PTPRN2: variants seen among roughly 807,000 people sequenced by gnomAD.
PTPRN2 encodes receptor-type tyrosine-protein phosphatase N2.
PTPRN2 carries 74 observed loss-of-function variants against 118.8 expected under a neutral mutation model. The observed-to-expected ratio is 0.62, with a 90% CI of 0.52 to 0.76. The LOEUF (loss-of-function observed/expected upper bound fraction) is 0.76. PTPRN2 is among the 30% of genes least tolerant of loss of function. The pLI is 0.00. For synonymous variants in PTPRN2, 641 were observed against 608.0 expected (o/e 1.05, Z -0.80); for missense variants, 1,481 against 1,394.4 (o/e 1.06, Z -0.99).
intron 3 of PTPRN2, among the ~76,000 whole-genome samples, chr7:158,304,567 T>C (rs925349400): frequency 3.3e-5 from 5 of 152,158 alleles, no homozygotes; most frequent in Admixed American, 2.0e-4. Context: ...TAGAGAGGCA[T>C]AAGACACCCA....
chr7:157,784,888 A>G lies in PTPRN2; in HGVS notation c.1789-101951T>C, dbSNP rs1298669159. 6.6e-6 allele frequency among the ~76,000 whole-genome samples: 1 copy of G among 152,086 alleles called. No homozygotes were observed. The highest frequency in any genetic ancestry group is 2.4e-5 in the African/African-American group (1 of 41,422). On this transcript the variant is annotated intron_variant, in intron 12 of 22. Coordinates refer to ENST00000389418, the MANE Select transcript of PTPRN2 (RefSeq NM_002847.5). This position sits in a 1 kb window ranked among gnomAD's most constrained non-coding sequence, Gnocchi z 4.6. ...GTCAAGATATTTTTGGACTTGTTCA[A>G]ATGGGTGGGCAGCTGTTTCTCTGAG...
At chr7:158,178,285 A>G (rs1824389348) in intron 5 of PTPRN2, among the ~76,000 whole-genome samples, 1 of 152,096 alleles carries the variant, frequency 6.6e-6, no homozygotes, top group Admixed American at 6.6e-5. Flanking sequence ...TCAGATATTA[A>G]TGCACCCATC....
At chr7:158,080,309 T>G (rs1812697461) in intron 11 of PTPRN2, among the ~76,000 whole-genome samples, 2 of 59,124 alleles carry the variant, frequency 3.4e-5, no homozygotes, top group East Asian at 6.2e-4. Flanking sequence ...AGACACAAAT[T>G]TAAGCAAAAA....
At chr7:158,369,226 G>A (rs1809764054) in intron 2 of PTPRN2, among the ~76,000 whole-genome samples, 1 of 148,372 alleles carries the variant, frequency 6.7e-6, no homozygotes, top group South Asian at 2.1e-4. Flanking sequence ...GATCATGTGA[G>A]TTAATACTTA....
chr7:157,612,531 C>A (rs139019958), intron 15 of PTPRN2, among the ~76,000 whole-genome samples: 11 of 152,360 alleles, frequency 7.2e-5, no homozygotes, highest in African/African-American at 2.6e-4. Flanking sequence ...TGGCTTGTGG[C>A]TGTGCTGCCT....
chr7:157,964,243 G>A lies in PTPRN2; in HGVS notation c.1724-65506C>T, dbSNP rs764378378. 2.6e-5 allele frequency among the ~76,000 whole-genome samples: 4 copies of A among 152,032 alleles called. No individual in the cohort carries two copies. The highest frequency in any genetic ancestry group is 2.1e-4 in the South Asian group (1 of 4,806). On this transcript the variant is annotated intron_variant, in intron 11 of 22. Transcript: ENST00000389418. This position sits in a 1 kb window ranked among gnomAD's most constrained non-coding sequence, Gnocchi z 9.0. ...GCTCCCAGATGCTCCACACACCCAC[G>A]TCTACAGAAACACTAGGCCAGACTG...
chr7:158,018,599 G>A (rs919843008), intron 11 of PTPRN2, among the ~76,000 whole-genome samples: 2 of 152,212 alleles, frequency 1.3e-5, no homozygotes, highest in African/African-American at 2.4e-5. Context: ...TGGCTGCCTC[G>A]GTGTACTGTT....
At chr7:157,822,192 TCATC>T (rs1344329925) in intron 12 of PTPRN2, among the ~76,000 whole-genome samples, 1 of 151,334 alleles carries the variant, frequency 6.6e-6, no homozygotes, top group South Asian at 2.1e-4. Context: ...ATCCAAATAC[TCATC>T]CATCCATCTA....
chr7:158,049,127 T>TATC (rs1213823820), intron 11 of PTPRN2, among the ~76,000 whole-genome samples: 14 of 57,124 alleles, frequency 2.5e-4, no homozygotes, highest in Admixed American at 4.8e-4. Context: ...TCAGCATCAC[T>TATC]ATCATCATCA....
At chr7:158,420,996 A>G (rs1815201442) in intron 2 of PTPRN2, among the ~76,000 whole-genome samples, 1 of 152,172 alleles carries the variant, frequency 6.6e-6, no homozygotes, top group South Asian at 2.1e-4. Flanking sequence ...GATCGGACCC[A>G]TAACATCTTA....
chr7:158,557,694 TC>T (rs1186596521), intron 1 of PTPRN2, among the ~76,000 whole-genome samples: 1 of 152,170 alleles, frequency 6.6e-6, no homozygotes, highest in Non-Finnish European at 1.5e-5. Flanking sequence ...TTTCTAAAGC[TC>T]CTCCTCTAGT....
intron 12 of PTPRN2, among the ~76,000 whole-genome samples, chr7:157,840,339 C>G (rs367637263): frequency 7.8e-4 from 78 of 99,652 alleles, no homozygotes; most frequent in African/African-American, 2.9e-3. Flanking sequence ...CCGCGTGTGA[C>G]GTGTGGCCGC....
intron 11 of PTPRN2, among the ~76,000 whole-genome samples, chr7:157,898,948 A>G (rs891779919): frequency 3.0e-4 from 46 of 152,322 alleles, no homozygotes; most frequent in African/African-American, 1.0e-3. Context: ...TCGGGCCGGC[A>G]CAACTGTGCG....
At chr7:158,118,334 GTGT>G (rs1816890399) in intron 9 of PTPRN2, among the ~76,000 whole-genome samples, 1 of 152,154 alleles carries the variant, frequency 6.6e-6, no homozygotes, top group Admixed American at 6.5e-5. Flanking sequence ...ATTTAAGTTA[GTGT>G]TGTAATTTTC....
chr7:157,752,855 C>T (rs183792780), intron 12 of PTPRN2, among the ~76,000 whole-genome samples: 6 of 152,374 alleles, frequency 3.9e-5, no homozygotes, highest in South Asian at 4.1e-4. Context: ...AAGGAACAGC[C>T]GTGGGACAGA....
chr7:158,104,108 G>T (rs973225828), intron 10 of PTPRN2, among the ~76,000 whole-genome samples: 2 of 152,108 alleles, frequency 1.3e-5, no homozygotes, highest in Non-Finnish European at 2.9e-5. Flanking sequence ...TGATCCACCC[G>T]CCTCAGCCTC....
chr7:158,095,180 C>T (rs999611029), intron 10 of PTPRN2, among the ~76,000 whole-genome samples: 9 of 151,720 alleles, frequency 5.9e-5, no homozygotes, highest in East Asian at 3.9e-4. Context: ...TCATGCGCAA[C>T]GTCTCTGACT....
chr7:157,760,859 G>A (rs1052807479), intron 12 of PTPRN2, among the ~76,000 whole-genome samples: 1 of 152,080 alleles, frequency 6.6e-6, no homozygotes, highest in African/African-American at 2.4e-5. Flanking sequence ...CTGCAAACAG[G>A]GACAATTTGA....
intron 11 of PTPRN2, among the ~76,000 whole-genome samples, chr7:158,064,830 A>T (rs1810632239): frequency 6.6e-6 from 1 of 152,072 alleles, no homozygotes. Flanking sequence ...CTCTGTGATG[A>T]CTGCTGGGCT....
Sources: gnomAD v4.1 joint callset for allele counts (sites outside exome capture counted in the v4.1 genomes callset) on GRCh38, gnomAD v4.1.1 for gene constraint, Gnocchi (gnomAD v3.1) non-coding constraint, MANE v1.5 for transcripts, NCBI Gene and HGNC (gene_info 2026-07-23, HGNC 2026-07-21) for gene names.